MRPS31: variants seen among roughly 807,000 people sequenced by gnomAD.
MRPS31 encodes the protein mitochondrial ribosomal protein S31.
Under a neutral mutation model 43.1 loss-of-function variants are expected in MRPS31, and 32 were observed. The ratio of observed to expected loss-of-function variants is 0.74; its 90% confidence interval spans 0.56 to 1.00. The LOEUF is 1.00. Ranked by LOEUF, MRPS31 falls within the 50% of genes least tolerant of loss-of-function variation. The pLI is 0.00. For synonymous variants in MRPS31, 165 were observed against 161.6 expected, an observed-to-expected ratio of 1.02 and a Z score of -0.16; for missense variants, 437 against 466.7, an observed-to-expected ratio of 0.94 and a Z score of 0.59.
chr13:40,757,403 G>A (rs1230441930), intron 3 of MRPS31, among the ~76,000 whole-genome samples: 4 of 147,994 alleles, frequency 2.7e-5, no homozygotes, highest in Non-Finnish European at 4.5e-5. Flanking sequence ...CAAATAAAAT[G>A]AGTCACTGAA....
At chr13:40,729,691 C>A in intron 6 of MRPS31, 90 bp from the exon 7 acceptor site, 11 of 823,620 alleles carry the variant, frequency 1.3e-5, no homozygotes, top group South Asian at 1.8e-5. Flanking sequence ...TATAATATTA[C>A]AGTTTAAGGC....
intron 4 of MRPS31, among the ~76,000 whole-genome samples, chr13:40,754,364 T>C (rs1880471388): frequency 6.6e-6 from 1 of 152,202 alleles, no homozygotes; most frequent in Non-Finnish European, 1.5e-5. Context: ...TGCCATAATT[T>C]TTATTTTTTC....
At chr13:40,735,199 C>T (rs1450418727) in intron 6 of MRPS31, among the ~76,000 whole-genome samples, 5 of 152,328 alleles carry the variant, frequency 3.3e-5, no homozygotes, top group African/African-American at 1.2e-4. Context: ...TCGGGTCACT[C>T]CCACCCGAAT....
chr13:40,770,835 C>G, intron 1 of MRPS31, 150 bp downstream of exon 1: 1 of 1,025,632 alleles, frequency 9.8e-7, no homozygotes, highest in East Asian at 2.4e-5. Context: ...TTCACGCACA[C>G]TATGACCTTG....
intron 6 of MRPS31, among the ~76,000 whole-genome samples, chr13:40,736,124 C>T (rs1355399562): frequency 1.3e-5 from 2 of 148,452 alleles, no homozygotes; most frequent in South Asian, 4.3e-4. Flanking sequence ...TCGAGAACTA[C>T]GTGAAGAATG....
chr13:40,757,759 T>C (rs9549282), intron 3 of MRPS31, among the ~76,000 whole-genome samples: 1 of 146,716 alleles, frequency 6.8e-6, no homozygotes, highest in African/African-American at 2.5e-5. Flanking sequence ...TTTTTTTTTT[T>C]AATTACAGTT....
chr13:40,758,813 G>T, intron 3 of MRPS31, 135 bp downstream of exon 3: 1 of 830,706 alleles, frequency 1.2e-6, no homozygotes. Flanking sequence ...AAGTTGAATT[G>T]CTAAAATTAT....
chr13:40,770,392 T>C (rs535884641), intron 1 of MRPS31, among the ~76,000 whole-genome samples: 1 of 152,250 alleles, frequency 6.6e-6, no homozygotes, highest in Non-Finnish European at 1.5e-5. Flanking sequence ...CTTCAACCAG[T>C]GGTCCTCCTT....
intron 6 of MRPS31, among the ~76,000 whole-genome samples, chr13:40,735,551 G>A (rs959439149): frequency 3.9e-5 from 6 of 152,134 alleles, no homozygotes; most frequent in African/African-American, 1.4e-4. Flanking sequence ...TTTGAAGAGA[G>A]CAGTGGTTCT....
chr13:40,762,807 TGTGTGTGTGTGTGTGTG>T (rs965511688), intron 2 of MRPS31, among the ~76,000 whole-genome samples: 1 of 144,814 alleles, frequency 6.9e-6, no homozygotes, highest in Non-Finnish European at 1.5e-5. Flanking sequence ...TGTGTGTGTG[TGTGTGTGTGTGTGTGTG>T]TGTGTGTGTG....
At chr13:40,738,266 TAA>T (rs1879981678) in intron 6 of MRPS31, among the ~76,000 whole-genome samples, 1 of 151,802 alleles carries the variant, frequency 6.6e-6, no homozygotes, top group Non-Finnish European at 1.5e-5. Flanking sequence ...AATAGACCAA[TAA>T]CAGGATCTGA....
chr13:40,749,336 A>T, intron 5 of MRPS31, 55 bp from the exon 6 acceptor site: 2 of 1,407,260 alleles, frequency 1.4e-6, no homozygotes, highest in South Asian at 1.6e-5. Context: ...ATCTTTTTTT[A>T]AAAGTTACAA....
chr13:40,729,840 C>T (rs1228715129), intron 6 of MRPS31, among the ~76,000 whole-genome samples: 1 of 151,706 alleles, frequency 6.6e-6, no homozygotes, highest in Non-Finnish European at 1.5e-5. Context: ...TGCGATTCTC[C>T]TGCCTCAGCC....
intron 6 of MRPS31, among the ~76,000 whole-genome samples, chr13:40,730,670 C>T (rs1879660695): frequency 6.6e-6 from 1 of 152,082 alleles, no homozygotes; most frequent in African/African-American, 2.4e-5. Context: ...AAGTGATTCT[C>T]CTGCCTCGGC....
chr13:40,760,837 A>G (rs1463658315), intron 2 of MRPS31, among the ~76,000 whole-genome samples: 1 of 152,118 alleles, frequency 6.6e-6, no homozygotes, highest in African/African-American at 2.4e-5. Context: ...ATGTTTTACT[A>G]TACCTGGCTT....
In MRPS31 at chr13:40,729,234, A is replaced by C; in HGVS notation, c.*138T>G. 1 of 522,810 alleles carries C rather than the reference A, an allele frequency of 1.9e-6. No homozygotes were observed. The highest frequency in any genetic ancestry group is 3.5e-5 in the South Asian group (1 of 28,554). 32.4% of individuals were successfully genotyped at this position (522,810 alleles called of 1,614,324 possible). Reference sequence around the variant, plus strand: ...AAGAATATTTTTCAGTTACCATCATATTTTTGAAAACAATGTAACATTTAT... The same window carrying C: ...AAGAATATTTTTCAGTTACCATCATCTTTTTGAAAACAATGTAACATTTAT... On this transcript the variant is annotated 3_prime_UTR_variant, in exon 7 of 7. Coordinates refer to ENST00000323563, the MANE Select transcript of MRPS31 (RefSeq NM_005830.4).
intron 6 of MRPS31, among the ~76,000 whole-genome samples, chr13:40,742,669 A>G (rs1406781988): frequency 6.6e-6 from 1 of 152,206 alleles, no homozygotes; most frequent in African/African-American, 2.4e-5. Context: ...TTGTTGGATC[A>G]TATTACAGCA....
In MRPS31 at chr13:40,771,082, A is replaced by G. The variant is rs765606634; in HGVS notation, c.55T>C (p.Leu19=). The change falls in exon 1 of 7, where the codon TTG becomes CTG. Residue 19 remains leucine (L), a synonymous_variant. Transcript: ENST00000323563. ...LPLRPLSRHP[L]SSGSPETSAA... The stretch of plus-strand genomic sequence containing the variant: ...GATGTCTCCGGGCTTCCAGAGGACA[A>G]AGGGTGGCGGGAAAGGGGGCGAAGA... 1.4e-5 allele frequency: 22 copies of G among 1,613,894 alleles called. No individual in the cohort carries two copies. Among genetic ancestry groups the G allele is most frequent in the Non-Finnish European group, 1.9e-5 (22 of 1,179,958 alleles).
chr13:40,766,601 A>T, intron 2 of MRPS31, 145 bp downstream of exon 2: 1 of 869,376 alleles, frequency 1.2e-6, no homozygotes, highest in Non-Finnish European at 1.7e-6. Flanking sequence ...AGCCTCGAGT[A>T]ATTATTAGAG....
Sources: allele counts gnomAD v4.1 joint callset (sites outside exome capture counted in the v4.1 genomes callset), GRCh38; gene constraint gnomAD v4.1.1; transcripts MANE v1.5; gene names NCBI Gene and HGNC (gene_info 2026-07-23, HGNC 2026-07-21).